Variants in RELN observed in about 807,000 individuals in gnomAD.
The protein encoded by RELN is reelin.
A neutral mutation model predicts 427.6 loss-of-function variants in RELN; 108 were observed. The observed-to-expected ratio is 0.25, with a 90% CI of 0.22 to 0.30. The LOEUF (loss-of-function observed/expected upper bound fraction) is 0.30. RELN is among the 10% of genes least tolerant of loss of function. The pLI is 1.00. For missense variants in RELN, 3,715 were observed against 4,302.8 expected, an observed-to-expected ratio of 0.86 and a Z score of 3.82; for synonymous variants, 1,524 against 1,513.4, an observed-to-expected ratio of 1.01 and a Z score of -0.16.
intron 63 of RELN, chr7:103,482,644 ATGT>A (rs1828282965): frequency 9.8e-6 from 4 of 408,880 alleles, no homozygotes; most frequent in Non-Finnish European, 1.3e-5. Flanking sequence ...CCTTAAATAA[ATGT>A]TGTGCTTATG....
chr7:103,904,809 A>G (rs1489015329), intron 2 of RELN, among the ~76,000 whole-genome samples: 1 of 152,102 alleles, frequency 6.6e-6, no homozygotes, highest in Admixed American at 6.6e-5. Flanking sequence ...ATTTCAATTG[A>G]CATAATATTA....
intron 1 of RELN, among the ~76,000 whole-genome samples, chr7:103,958,590 T>A (rs896203116): frequency 6.6e-6 from 1 of 152,180 alleles, no homozygotes; most frequent in Non-Finnish European, 1.5e-5. Context: ...TCTATGTGTG[T>A]GTGTGTAGGA....
intron 8 of RELN, among the ~76,000 whole-genome samples, chr7:103,715,069 A>G (rs1048823413): frequency 1.3e-5 from 2 of 152,224 alleles, no homozygotes; most frequent in African/African-American, 4.8e-5. Flanking sequence ...AGGGAAGTCT[A>G]GACTTTATGT....
At chr7:103,584,333 A>G (rs1437495628) in intron 28 of RELN, among the ~76,000 whole-genome samples, 1 of 152,236 alleles carries the variant, frequency 6.6e-6, no homozygotes, top group Admixed American at 6.5e-5. Flanking sequence ...CTTAATGGGT[A>G]AAGACACCTA....
intron 31 of RELN, 87 bp downstream of exon 31, chr7:103,572,097 T>C: frequency 1.3e-6 from 1 of 792,234 alleles, no homozygotes. Flanking sequence ...AATGTATCAG[T>C]TTTCAAAATC....
chr7:103,533,326 A>C (rs756305789), intron 46 of RELN, among the ~76,000 whole-genome samples: 3 of 152,246 alleles, frequency 2.0e-5, no homozygotes, highest in Non-Finnish European at 2.9e-5. Flanking sequence ...TGACATTTCA[A>C]TACGTTTCCA....
rs2140715 is a variant in RELN at position 103,917,245 on chromosome 7, C to G, written c.227-60G>C. ...ACAGTCAGAATAACACAATATATTTCTGAAGTGTTAGACATTGTCAAAACA... is the reference window on the plus strand; with the variant it reads ...ACAGTCAGAATAACACAATATATTTGTGAAGTGTTAGACATTGTCAAAACA... On this transcript the variant is annotated intron_variant, in intron 1 of 64. Transcript: ENST00000428762. 9.4e-6 allele frequency: 12 copies of G among 1,272,720 alleles called. No individual in the cohort carries two copies. The African/African-American group carries it at 1.8e-4, about 19-fold the overall frequency. The allele number at this position is 1,272,720 out of a possible 1,614,324, so 78.8% of individuals were successfully genotyped here.
chr7:103,812,436 T>C (rs1254992231), intron 3 of RELN, among the ~76,000 whole-genome samples: 1 of 152,190 alleles, frequency 6.6e-6, no homozygotes, highest in Non-Finnish European at 1.5e-5. Flanking sequence ...AGAGTTATTC[T>C]TCCCAGGTGA....
intron 29 of RELN, among the ~76,000 whole-genome samples, chr7:103,575,220 A>T (rs1258606462): frequency 6.6e-6 from 1 of 152,244 alleles, no homozygotes; most frequent in Non-Finnish European, 1.5e-5. Context: ...TGACAGAGTT[A>T]TTGTTAGAAT....
At position 103,828,553 on chromosome 7, in the gene RELN, T is replaced by C. The variant is rs1277555029; in HGVS notation, c.473+4984A>G. On this transcript the variant is annotated intron_variant, in intron 3 of 64. Coordinates refer to ENST00000428762, the MANE Select transcript of RELN (RefSeq NM_005045.4). ...GGCACAAACCTGATCTTCTTTTATG[T>C]TCCATTTTAATCCTAATATTATGCT... Among the ~76,000 whole-genome samples the C allele has an allele frequency of 7.3e-5, 11 of 151,564 alleles. No homozygotes were observed. In the East Asian group the frequency reaches 2.1e-3, roughly 29 times the overall value.
chr7:103,832,187 A>G (rs1037626417), intron 3 of RELN, among the ~76,000 whole-genome samples: 3 of 152,150 alleles, frequency 2.0e-5, no homozygotes, highest in Non-Finnish European at 4.4e-5. Context: ...TAAATTTTAG[A>G]GTACACAGGT....
chr7:103,845,146 AT>A (rs35437668), intron 2 of RELN, among the ~76,000 whole-genome samples: 41 of 89,834 alleles, frequency 4.6e-4, no homozygotes, highest in African/African-American at 1.0e-3. Flanking sequence ...TCAAAAAAAA[AT>A]TTTTTTTTTT....
intron 1 of RELN, among the ~76,000 whole-genome samples, chr7:103,955,808 AAGCC>A (rs1796421414): frequency 1.3e-5 from 2 of 152,162 alleles, no homozygotes; most frequent in Admixed American, 1.3e-4. Context: ...GGGACAGGAA[AAGCC>A]CATCCCAGCT....
intron 46 of RELN, among the ~76,000 whole-genome samples, chr7:103,534,561 C>T (rs1197725402): frequency 6.6e-6 from 1 of 151,960 alleles, no homozygotes; most frequent in Non-Finnish European, 1.5e-5. Flanking sequence ...GATCATAGCT[C>T]ACTGCATTCT....
chr7:103,665,305 C>T lies in RELN; in HGVS notation c.1290-3778G>A, dbSNP rs186054838. Among the ~76,000 whole-genome samples, 391 of 151,104 alleles carry T rather than the reference C, an allele frequency of 2.6e-3. 2 individuals carry two copies. Among genetic ancestry groups the T allele is most frequent in the Non-Finnish European group, 4.3e-3 (293 of 67,716 alleles). On this transcript the variant is annotated intron_variant, in intron 11 of 64. Coordinates refer to ENST00000428762, the MANE Select transcript of RELN (RefSeq NM_005045.4). The stretch of plus-strand genomic sequence containing the variant: ...CTCCATTAGTCTATATGTCCATCTC[C>T]GTGTCCAAACCAATTTAAATATCAT...
Position 103,535,725 on chromosome 7 carries a change from ATAAAG to A in RELN, c.7181-246_7181-242del, listed in dbSNP as rs141307954. On this transcript the variant is annotated intron_variant, in intron 45 of 64. Transcript: ENST00000428762. ...TTAAGGGGATATGATCAAGTGAAAC[ATAAAG>A]TAAATGTTTGTGAATCACATCTTAT... Among the ~76,000 whole-genome samples the A allele has an allele frequency of 0.67, 101,243 of 151,356 alleles. 34,196 individuals carry two copies. The highest frequency in any genetic ancestry group is 0.74 in the Middle Eastern group (218 of 294).
At chr7:103,643,073 A>C (rs1027243090) in intron 16 of RELN, among the ~76,000 whole-genome samples, 2 of 152,114 alleles carry the variant, frequency 1.3e-5, no homozygotes, top group Non-Finnish European at 2.9e-5. Context: ...TCAGCAAATT[A>C]TCTTGTCTAA....
chr7:103,844,730 G>C (rs982917217), intron 2 of RELN, among the ~76,000 whole-genome samples: 1 of 152,184 alleles, frequency 6.6e-6, no homozygotes, highest in Non-Finnish European at 1.5e-5. Flanking sequence ...CAATAGAACT[G>C]TGGGAATGAT....
chr7:103,625,233 A>G (rs919417737), intron 20 of RELN, among the ~76,000 whole-genome samples: 3 of 152,236 alleles, frequency 2.0e-5, no homozygotes, highest in African/African-American at 7.2e-5. Flanking sequence ...ATGATAACAT[A>G]TTCAGTGTTG....
Sources: gnomAD v4.1 joint callset for allele counts (sites outside exome capture counted in the v4.1 genomes callset) on GRCh38, gnomAD v4.1.1 for gene constraint, MANE v1.5 for transcripts, NCBI Gene and HGNC (gene_info 2026-07-23, HGNC 2026-07-21) for gene names.